MAPK10: variants seen among roughly 807,000 people sequenced by gnomAD.
MAPK10 encodes JNK3 alpha protein kinase.
MAPK10 carries 25 observed loss-of-function variants against 59.3 expected under a neutral mutation model. That is an observed-to-expected ratio of 0.42 (90% confidence interval 0.31 to 0.59). The LOEUF (loss-of-function observed/expected upper bound fraction) is 0.59, where lower values mean the gene tolerates loss of function less well. Among genes scored for constraint, MAPK10 ranks in the 20% least tolerant of loss-of-function variants. MAPK10 has a pLI of 0.15. For missense variants in MAPK10, 351 were observed against 568.9 expected, an observed-to-expected ratio of 0.62 and a Z score of 3.90; for synonymous variants, 190 against 200.5, an observed-to-expected ratio of 0.95 and a Z score of 0.44.
intron 13 of MAPK10, among the ~76,000 whole-genome samples, chr4:86,023,019 C>T (rs4446299): frequency 0.2 from 30,757 of 152,040 alleles, 3,687 homozygotes; most frequent in African/African-American, 0.32. Context: ...ATTTTCTAAT[C>T]CAAGATTATA....
chr4:86,174,057 G>A (rs776625556), intron 3 of MAPK10, among the ~76,000 whole-genome samples: 1 of 152,192 alleles, frequency 6.6e-6, no homozygotes, highest in African/African-American at 2.4e-5. Flanking sequence ...GTGGAAGACA[G>A]TGTGGTAATT....
At chr4:86,153,817 T>C (rs2067037781) in intron 4 of MAPK10, among the ~76,000 whole-genome samples, 1 of 152,164 alleles carries the variant, frequency 6.6e-6, no homozygotes, top group African/African-American at 2.4e-5. Context: ...CCTATTCTGC[T>C]GGGCCATCAC....
chr4:86,149,087 C>G (rs1325364246), intron 4 of MAPK10, among the ~76,000 whole-genome samples: 1 of 152,102 alleles, frequency 6.6e-6, no homozygotes, highest in Non-Finnish European at 1.5e-5. Flanking sequence ...TTCCATTGTT[C>G]CCAAATTTCT....
At chr4:86,540,023 C>T (rs78943637) in intron 1 of MAPK10, among the ~76,000 whole-genome samples, 7,127 of 152,204 alleles carry the variant, frequency 0.047, 220 homozygotes, top group African/African-American at 0.059. Flanking sequence ...AAATTTTAAC[C>T]AAAGGGTTTT....
intron 1 of MAPK10, among the ~76,000 whole-genome samples, chr4:86,411,037 T>C (rs1284478895): frequency 6.6e-6 from 1 of 152,238 alleles, no homozygotes; most frequent in African/African-American, 2.4e-5. Context: ...TGTGGGCATT[T>C]AGTGCTATAA....
chr4:86,113,122 T>C (rs915068954), intron 4 of MAPK10, among the ~76,000 whole-genome samples: 44 of 152,298 alleles, frequency 2.9e-4, no homozygotes, highest in South Asian at 1.9e-3. Flanking sequence ...TGCACAGAGA[T>C]TGGCCTCTTG....
At chr4:86,021,834 G>A (rs958294845) in intron 13 of MAPK10, among the ~76,000 whole-genome samples, 7 of 152,222 alleles carry the variant, frequency 4.6e-5, no homozygotes, top group Admixed American at 1.3e-4. Context: ...TACACCTTCC[G>A]CAGCCACTGG....
Position 86,017,742 on chromosome 4 carries a change from G to T in MAPK10, c.1253-372C>A, listed in dbSNP as rs890966774. Among the ~76,000 whole-genome samples the T allele has an allele frequency of 6.6e-6, 1 of 151,788 alleles. No individual in the cohort carries two copies. The highest frequency in any genetic ancestry group is 6.6e-5 in the Admixed American group (1 of 15,244). On this transcript the variant is annotated intron_variant, in intron 13 of 13. Transcript: ENST00000641462. This position sits in a 1 kb window ranked among gnomAD's most constrained non-coding sequence, Gnocchi z 4.4. ...GCATTTTTATTTATTTATTTTTTTT[G>T]AGATGGAGTCTCGCTCTGTCGCCAG...
At chr4:86,183,602 G>A (rs1371027904) in intron 3 of MAPK10, among the ~76,000 whole-genome samples, 16 of 152,084 alleles carry the variant, frequency 1.1e-4, no homozygotes, top group Non-Finnish European at 1.9e-4. Flanking sequence ...ATAAACATAC[G>A]TGTGCATGTG....
chr4:86,034,406 C>A (rs2148924352), intron 11 of MAPK10, among the ~76,000 whole-genome samples: 1 of 151,902 alleles, frequency 6.6e-6, no homozygotes, highest in South Asian at 2.1e-4. Context: ...TATTGGTGGT[C>A]AATTATATGA....
intron 1 of MAPK10, among the ~76,000 whole-genome samples, chr4:86,418,570 T>C (rs934775249): frequency 6.6e-6 from 1 of 152,324 alleles, no homozygotes; most frequent in East Asian, 1.9e-4. Flanking sequence ...CCTCCTCCTT[T>C]TGTTTTTAAC....
At chr4:86,492,477 G>C (rs1754537161) in intron 1 of MAPK10, among the ~76,000 whole-genome samples, 1 of 152,174 alleles carries the variant, frequency 6.6e-6, no homozygotes, top group African/African-American at 2.4e-5. Context: ...TCAGTGTCTA[G>C]GCTTTGGAGC....
At chr4:86,379,502 T>C (rs997748564) in intron 1 of MAPK10, among the ~76,000 whole-genome samples, 1 of 152,186 alleles carries the variant, frequency 6.6e-6, no homozygotes, top group Non-Finnish European at 1.5e-5. Flanking sequence ...ATGTTTGTGA[T>C]GGCCATGACG....
rs561809017 is a variant in MAPK10, at chr4:86,490,927, C to G, written c.-263+102983G>C. On this transcript the variant is annotated intron_variant, in intron 1 of 4. Coordinates refer to the MAPK10 transcript ENST00000502302. Reference sequence around the variant, plus strand: ...CTTACATACTACTATGTACCAGATACTGTGTTAGGTACTGGGGAAAAAAGG... The same window carrying G: ...CTTACATACTACTATGTACCAGATAGTGTGTTAGGTACTGGGGAAAAAAGG... 4.6e-5 allele frequency among the ~76,000 whole-genome samples: 7 copies of G among 152,302 alleles called. 1 individual carries two copies. The highest frequency in any genetic ancestry group is 1.7e-4 in the African/African-American group (7 of 41,560).
intron 2 of MAPK10, among the ~76,000 whole-genome samples, chr4:86,286,323 G>A (rs1380892976): frequency 1.3e-5 from 2 of 152,120 alleles, no homozygotes; most frequent in Admixed American, 6.5e-5. Context: ...CTTTGGGGAG[G>A]CAATCTTTTA....
intron 1 of MAPK10, among the ~76,000 whole-genome samples, chr4:86,465,656 T>C (rs544284986): frequency 1.4e-4 from 21 of 152,144 alleles, no homozygotes; most frequent in East Asian, 5.8e-4. Flanking sequence ...AAATAATAAC[T>C]TGGGGTAGAG....
At chr4:86,140,963 C>G (rs1292719182) in intron 4 of MAPK10, among the ~76,000 whole-genome samples, 1 of 152,162 alleles carries the variant, frequency 6.6e-6, no homozygotes, top group Admixed American at 6.5e-5. Context: ...ATGCATTTCT[C>G]TAAATAGCAA....
intron 2 of MAPK10, among the ~76,000 whole-genome samples, chr4:86,229,348 G>A (rs1266374338): frequency 6.6e-6 from 1 of 152,142 alleles, no homozygotes; most frequent in Non-Finnish European, 1.5e-5. Flanking sequence ...TAGCCATTGT[G>A]AAAAGATTAT....
In MAPK10 at chr4:86,075,066, C is replaced by T. The variant is rs1579714878; in HGVS notation, c.803-7111G>A. ...TAGATTTGGTCTTTTCATATAGTCC[C>T]ATATTTCTTGGAGGCTTTGCTCATT... On this transcript the variant is annotated intron_variant, in intron 9 of 13. Coordinates refer to ENST00000641462, the MANE Select transcript of MAPK10 (RefSeq NM_138982.4). Among the ~76,000 whole-genome samples, 6 of 149,986 alleles carry T rather than the reference C, an allele frequency of 4.0e-5. No homozygotes were observed. In the Middle Eastern group the frequency reaches 0.017, roughly 428 times the overall value.
Sources: allele counts gnomAD v4.1 joint callset (sites outside exome capture counted in the v4.1 genomes callset), GRCh38; gene constraint gnomAD v4.1.1; non-coding constraint Gnocchi (gnomAD v3.1); transcripts MANE v1.5; gene names NCBI Gene and HGNC (gene_info 2026-07-23, HGNC 2026-07-21).